The following DOC2B variants were observed in gnomAD, a reference collection of about 807,000 sequenced individuals.
The protein encoded by DOC2B is double C2-like domain-containing protein beta.
In DOC2B, 21 loss-of-function variants were observed where a neutral mutation model predicts 28.9. The ratio of observed to expected loss-of-function variants is 0.73; its 90% CI spans 0.52 to 1.05. The LOEUF is 1.05. Ranked by LOEUF, DOC2B falls within the 50% of genes least tolerant of loss-of-function variation. The pLI is 0.00. For synonymous variants in DOC2B, 194 were observed against 178.1 expected, an observed-to-expected ratio of 1.09 and a Z score of -0.71; for missense variants, 384 against 421.1, an observed-to-expected ratio of 0.91 and a Z score of 0.77.
At position 144,596 on chromosome 17, in the gene DOC2B, A is replaced by G. The variant is rs1335078170; in HGVS notation, c.*2845T>C. ...GAAAGACAATCTGCACGGGATCTAA[A>G]AGGGTGCTGAGATCCTAGGGAAGGA... On this transcript the variant is annotated 3_prime_UTR_variant, in exon 9 of 9. Coordinates refer to ENST00000613549, the MANE Select transcript of DOC2B (RefSeq NM_003585.5). The G allele has an allele frequency of 3.9e-5, 6 of 152,224 alleles. No homozygotes were observed. Among genetic ancestry groups the G allele is most frequent in the African/African-American group, 1.4e-4 (6 of 41,462 alleles). 9.4% of individuals were successfully genotyped at this position (152,224 alleles called of 1,614,324 possible). A position where few individuals can be genotyped will look rare whatever the true frequency, so the allele number is the denominator to read the frequency against.
At chr17:180,188 C>G (rs936405665) in intron 1 of DOC2B, among the ~76,000 whole-genome samples, 1 of 152,368 alleles carries the variant, frequency 6.6e-6, no homozygotes, top group Admixed American at 6.5e-5. Context: ...GGGGTTCTCA[C>G]ATGCCATCCC....
rs978944439 is a variant in DOC2B, at chr17:145,244, G to C, written c.*2197C>G. 6.6e-6 allele frequency: 1 copy of C among 152,230 alleles called. No individual in the cohort carries two copies. Among genetic ancestry groups the C allele is most frequent in the Non-Finnish European group, 1.5e-5 (1 of 68,068 alleles). 9.4% of individuals were successfully genotyped at this position (152,230 alleles called of 1,614,324 possible). ...TCCATCATGCACCTGAGCTTACTGA[G>C]CCTTCACCTGGTGTCTCTGCTGAGT... On this transcript the variant is annotated 3_prime_UTR_variant, in exon 9 of 9. Coordinates refer to ENST00000613549, the MANE Select transcript of DOC2B (RefSeq NM_003585.5).
intron 6 of DOC2B, among the ~76,000 whole-genome samples, chr17:150,646 C>A (rs536749879): frequency 6.6e-6 from 1 of 152,268 alleles, no homozygotes; most frequent in Non-Finnish European, 1.5e-5. Flanking sequence ...TGGTTTATTA[C>A]AGAAGCACTA....
chr17:172,484 C>A, intron 2 of DOC2B, 53 bp downstream of exon 2: 1 of 1,477,236 alleles, frequency 6.8e-7, no homozygotes, highest in Non-Finnish European at 9.2e-7. Context: ...CTGACCTAGG[C>A]CCTCTTGAGG....
intron 1 of DOC2B, among the ~76,000 whole-genome samples, chr17:176,694 G>A (rs564143923): frequency 2.0e-3 from 300 of 152,350 alleles, no homozygotes; most frequent in Non-Finnish European, 2.9e-3. Context: ...TGTGCTGGGC[G>A]TGAGGAGGGC....
intron 6 of DOC2B, among the ~76,000 whole-genome samples, chr17:150,136 A>T (rs1372935524): frequency 6.6e-6 from 1 of 152,082 alleles, no homozygotes; most frequent in South Asian, 2.1e-4. Context: ...CCAGGCTCAG[A>T]CTCCTTTCTC....
In DOC2B at chr17:163,135, G is replaced by T. The variant is rs190132365; in HGVS notation, c.529-945C>A. 2.0e-4 allele frequency among the ~76,000 whole-genome samples: 31 copies of T among 152,328 alleles called. No homozygotes were observed. In the South Asian group the frequency reaches 5.6e-3, roughly 27 times the overall value. ...TGCTCTTTATAAAACACTAGGGAAAGTCCTGGGGACTTCCTACAACTCGGC... is the reference window on the plus strand; with the variant it reads ...TGCTCTTTATAAAACACTAGGGAAATTCCTGGGGACTTCCTACAACTCGGC... On this transcript the variant is annotated intron_variant, in intron 3 of 8. Transcript: ENST00000613549.
intron 5 of DOC2B, among the ~76,000 whole-genome samples, chr17:160,885 G>A (rs1157710792): frequency 1.3e-5 from 2 of 152,250 alleles, no homozygotes; most frequent in Non-Finnish European, 2.9e-5. Context: ...AGGCACTCAG[G>A]TCTAACATGT....
rs2040203165 is a variant in DOC2B, at chr17:161,494, C to G, written c.686G>C (p.Gly229Ala). The change falls in exon 5 of 9, where the codon GGG becomes GCG. Residue 229 changes from glycine to alanine, a missense_variant. Gly to Ala is a moderately conservative substitution (Grantham distance 60). Coordinates refer to ENST00000613549, the MANE Select transcript of DOC2B (RefSeq NM_003585.5). ...CTTCTTCAGGGGCACACGTGTCTCC[C>G]CGATGAACTCATTGTGCCGGAATTT... ...EDKFRHNEFIGETRVPLKKLK... is the reference protein window; with the variant it reads ...EDKFRHNEFIAETRVPLKKLK... 1 of 1,551,746 alleles carries G rather than the reference C, an allele frequency of 6.4e-7. No homozygotes were observed. The highest frequency in any genetic ancestry group is 2.4e-5 in the East Asian group (1 of 40,904).
chr17:158,770 C>T (rs1317850132), intron 5 of DOC2B, among the ~76,000 whole-genome samples: 1 of 152,182 alleles, frequency 6.6e-6, no homozygotes, highest in East Asian at 1.9e-4. Flanking sequence ...AGGGGCCAGG[C>T]ACAGTGACTC....
At chr17:180,509 CAAG>C (rs1018024881) in intron 1 of DOC2B, among the ~76,000 whole-genome samples, 1 of 152,118 alleles carries the variant, frequency 6.6e-6, no homozygotes, top group African/African-American at 2.4e-5. Flanking sequence ...GAGGAAACGC[CAAG>C]GTTTTTCCAA....
At chr17:149,032 C>A in intron 7 of DOC2B, 79 bp downstream of exon 7, 2 of 398,002 alleles carry the variant, frequency 5.0e-6, no homozygotes, top group Non-Finnish European at 8.9e-6. Context: ...CCCGCCATGA[C>A]CTTTTGAAAA....
chr17:162,169 T>G lies in DOC2B; in HGVS notation c.550A>C (p.Thr184Pro), dbSNP rs2040213148. The change falls in exon 4 of 9, where the codon ACT becomes CCT. Residue 184 changes from threonine (T) to proline (P), a missense_variant. Physicochemically the swap from Thr to Pro is conservative, Grantham distance 38. Transcript: ENST00000613549. The part of the protein sequence containing the change: ...ASKANKLRTK[T>P]LRNTLNPTWN... ...GTGGGGTTCAGAGTGTTACGGAGAG[T>G]TTTTGTTCTGAGCTTATTTGCCTGG... is the stretch of plus-strand genomic sequence containing the variant. The G allele has an allele frequency of 1.3e-6, 2 of 1,551,498 alleles. No individual in the cohort carries two copies. Among genetic ancestry groups the G allele is most frequent in the Non-Finnish European group, 1.7e-6 (2 of 1,146,872 alleles).
Position 175,313 on chromosome 17 carries a change from T to C in DOC2B, c.374-2697A>G, listed in dbSNP as rs1038346477. Among the ~76,000 whole-genome samples, 3 of 152,322 alleles carry C rather than the reference T, an allele frequency of 2.0e-5. No homozygotes were observed. The South Asian group carries it at 6.2e-4, about 32-fold the overall frequency. Reference sequence around the variant, plus strand: ...GAGCAGGGTATGTGTGCAGCAGCAATAGCTGTAGCTGGCCTTCAGCTGCCT... The same window carrying C: ...GAGCAGGGTATGTGTGCAGCAGCAACAGCTGTAGCTGGCCTTCAGCTGCCT... On this transcript the variant is annotated intron_variant, in intron 1 of 8. Coordinates refer to ENST00000613549, the MANE Select transcript of DOC2B (RefSeq NM_003585.5).
intron 6 of DOC2B, among the ~76,000 whole-genome samples, chr17:152,026 C>G (rs1048410991): frequency 5.3e-5 from 8 of 152,212 alleles, no homozygotes; most frequent in Admixed American, 3.3e-4. Flanking sequence ...CCCTGAGGCC[C>G]GCCCTGTGGC....
intron 2 of DOC2B, among the ~76,000 whole-genome samples, chr17:166,425 G>T (rs1228026897): frequency 2.0e-5 from 3 of 152,264 alleles, no homozygotes; most frequent in African/African-American, 7.2e-5. Flanking sequence ...CAGCTTGGGA[G>T]TTGGCAAGAG....
At chr17:157,743 T>C (rs991803476) in intron 5 of DOC2B, among the ~76,000 whole-genome samples, 1 of 152,172 alleles carries the variant, frequency 6.6e-6, no homozygotes, top group Non-Finnish European at 1.5e-5. Context: ...CGCATCCAGA[T>C]AATACCTGCG....
intron 2 of DOC2B, among the ~76,000 whole-genome samples, chr17:165,662 T>A (rs1277022918): frequency 6.6e-6 from 1 of 152,008 alleles, no homozygotes; most frequent in African/African-American, 2.4e-5. Flanking sequence ...TGGGTGCATC[T>A]GAGCTGTGCC....
At chr17:177,692 G>GAGGT (rs2040386647) in intron 1 of DOC2B, among the ~76,000 whole-genome samples, 1 of 152,228 alleles carries the variant, frequency 6.6e-6, no homozygotes, top group Non-Finnish European at 1.5e-5. Flanking sequence ...TTGTATCTCT[G>GAGGT]TGCCTAACAC....
Sources: gnomAD v4.1 joint callset for allele counts (sites outside exome capture counted in the v4.1 genomes callset) on GRCh38, gnomAD v4.1.1 for gene constraint, MANE v1.5 for transcripts, NCBI Gene and HGNC (gene_info 2026-07-23, HGNC 2026-07-21) for gene names.